MUCL1: variants seen among roughly 807,000 people sequenced by gnomAD.
The protein encoded by MUCL1 is mucin-like protein 1.
Under a neutral mutation model 9.2 loss-of-function variants are expected in MUCL1, and 11 were observed. That is an observed-to-expected ratio of 1.19 (90% CI 0.75 to 1.97). The LOEUF (loss-of-function observed/expected upper bound fraction) is 1.97, where lower values mean the gene tolerates loss of function less well. MUCL1 is among the 30% of genes most tolerant of loss of function. The pLI, the probability that MUCL1 is intolerant of heterozygous loss-of-function variation, is 0.00. For synonymous variants in MUCL1, 48 were observed against 40.5 expected, an observed-to-expected ratio of 1.19 and a Z score of -0.71; for missense variants, 144 against 110.9, an observed-to-expected ratio of 1.30 and a Z score of -1.34.
At chr12:54,845,495 C>T (rs551768161) in intron 1 of MUCL1, among the ~76,000 whole-genome samples, 1 of 152,266 alleles carries the variant, frequency 6.6e-6, no homozygotes, top group Admixed American at 6.5e-5. Flanking sequence ...TAAGTCTGTT[C>T]TGCAACAAAA....
chr12:54,840,437 G>A (rs552091803), intron 1 of MUCL1, among the ~76,000 whole-genome samples: 1 of 152,332 alleles, frequency 6.6e-6, no homozygotes, highest in South Asian at 2.1e-4. Flanking sequence ...TGCTGTAATG[G>A]ACTGTGTCAG....
chr12:54,855,091 T>G, intron 1 of MUCL1, 25 bp from the exon 2 acceptor site: 1 of 1,610,824 alleles, frequency 6.2e-7, no homozygotes, highest in Non-Finnish European at 8.5e-7. Flanking sequence ...AGCTAACATC[T>G]TAATTTTTCC....
Position 54,856,874 on chromosome 12 carries a change from G to A in MUCL1, c.205G>A (p.Ala69Thr). ...TGCAACCACCGCTGCTTCTACCACT[G>A]CTCGTAAAGACATTCCAGGTAGCAA... ...TTATTAASTT[A>T]RKDIPVLPKW... The change falls in exon 3 of 4, where the codon GCT (alanine) becomes ACT (threonine). Residue 69 changes from alanine to threonine, a missense_variant. By Grantham distance (58) the Ala-to-Thr change is moderately conservative (BLOSUM62 0). Transcript: ENST00000308796. 1.2e-6 allele frequency: 2 copies of A among 1,613,748 alleles called. No individual in the cohort carries two copies. The highest frequency in any genetic ancestry group is 1.7e-6 in the Non-Finnish European group (2 of 1,179,844).
chr12:54,848,096 T>TC (rs1959282977), intron 1 of MUCL1, among the ~76,000 whole-genome samples: 1 of 47,390 alleles, frequency 2.1e-5, no homozygotes, highest in Non-Finnish European at 5.1e-5. Flanking sequence ...TTAATTCTTG[T>TC]TTGTTGAAAC....
intron 1 of MUCL1, among the ~76,000 whole-genome samples, chr12:54,841,250 G>A (rs1192759053): frequency 4.6e-5 from 7 of 152,060 alleles, no homozygotes; most frequent in Admixed American, 1.3e-4. Flanking sequence ...TTTATTAACC[G>A]ACACTTAGAT....
chr12:54,841,932 C>T (rs865815488), intron 1 of MUCL1, among the ~76,000 whole-genome samples: 16 of 152,094 alleles, frequency 1.1e-4, no homozygotes, highest in Admixed American at 3.9e-4. Context: ...TGGAGTTTTA[C>T]AGTTACAGGC....
At chr12:54,850,649 A>C (rs1479038573), upstream of MUCL1, among the ~76,000 whole-genome samples, 1 of 152,142 alleles carries the variant, frequency 6.6e-6, no homozygotes, top group African/African-American at 2.4e-5. Context: ...TAGCAGCATG[A>C]TTTATAATCC....
In MUCL1 at chr12:54,856,648, A is replaced by G; in HGVS notation, c.101-122A>G. The G allele has an allele frequency of 2.3e-6, 3 of 1,333,216 alleles. No individual in the cohort carries two copies. The South Asian group carries it at 4.2e-5, about 19-fold the overall frequency. 82.6% of individuals were successfully genotyped at this position (1,333,216 alleles called of 1,614,324 possible). A position where few individuals can be genotyped will look rare whatever the true frequency, so the allele number is the denominator to read the frequency against. On this transcript the variant is annotated intron_variant, in intron 2 of 3. Transcript: ENST00000308796. ...TAGGCAGGTAGGCTAAAGGTAAGAC[A>G]GAACTGATGACAGATTTGCAGAGAT...
upstream of MUCL1, among the ~76,000 whole-genome samples, chr12:54,836,326 G>T (rs1276514715): frequency 1.3e-5 from 2 of 152,192 alleles, no homozygotes; most frequent in East Asian, 3.9e-4. Flanking sequence ...AATTAGGAGG[G>T]TTGTATGTTT....
At chr12:54,847,208 C>G (rs567123320) in intron 1 of MUCL1, among the ~76,000 whole-genome samples, 1 of 152,148 alleles carries the variant, frequency 6.6e-6, no homozygotes, top group Non-Finnish European at 1.5e-5. Context: ...AAGAAGTAAC[C>G]GAGTGCCGGG....
At chr12:54,854,927 C>A (rs1164804477) in intron 1 of MUCL1, among the ~76,000 whole-genome samples, 189 bp from the exon 2 acceptor site, 1 of 152,088 alleles carries the variant, frequency 6.6e-6, no homozygotes, top group African/African-American at 2.4e-5. Context: ...GGAAAAATGA[C>A]CACATATTAG....
At chr12:54,849,516 T>C (rs769226527), upstream of MUCL1, among the ~76,000 whole-genome samples, 3 of 152,126 alleles carry the variant, frequency 2.0e-5, no homozygotes, top group African/African-American at 4.8e-5. Context: ...TTTGGAGCTA[T>C]GTCATCCATT....
intron 1 of MUCL1, among the ~76,000 whole-genome samples, chr12:54,848,970 T>A (rs1350575341): frequency 6.6e-6 from 1 of 152,138 alleles, no homozygotes; most frequent in African/African-American, 2.4e-5. Context: ...GGCTTCATGA[T>A]TTGATAATAG....
At chr12:54,858,076 G>A (rs1207621206) in intron 3 of MUCL1, 117 bp from the exon 4 acceptor site, 4 of 1,237,532 alleles carry the variant, frequency 3.2e-6, no homozygotes, top group Middle Eastern at 1.9e-4. Context: ...TGTTCCTTTC[G>A]AATCCCCTGA....
At chr12:54,845,446 T>C (rs952284352) in intron 1 of MUCL1, among the ~76,000 whole-genome samples, 5 of 152,048 alleles carry the variant, frequency 3.3e-5, no homozygotes, top group African/African-American at 1.2e-4. Context: ...TGTGATCTGA[T>C]TGGTTAATGC....
chr12:54,839,513 T>A lies in MUCL1; in HGVS notation c.43+66T>A. On this transcript the variant is annotated intron_variant, in intron 1 of 3. Transcript: ENST00000546809. Reference sequence around the variant, plus strand: ...CCTTGACAGAGGCAGCTGGGGGAGGTCTCAGTGAAATGCACTGAGGTCTTT... The same window carrying A: ...CCTTGACAGAGGCAGCTGGGGGAGGACTCAGTGAAATGCACTGAGGTCTTT... 5.7e-6 allele frequency: 4 copies of A among 700,126 alleles called. No individual in the cohort carries two copies. In the South Asian group the frequency reaches 5.9e-5, roughly 10 times the overall value. The allele number at this position is 700,126 out of a possible 1,614,324, so 43.4% of individuals were successfully genotyped here. A position where few individuals can be genotyped will look rare whatever the true frequency, so the allele number is the denominator to read the frequency against.
At chr12:54,848,179 G>A (rs1466084252) in intron 1 of MUCL1, among the ~76,000 whole-genome samples, 1 of 152,014 alleles carries the variant, frequency 6.6e-6, no homozygotes, top group Non-Finnish European at 1.5e-5. Flanking sequence ...GGTATATGGT[G>A]AGGAGTGAGG....
At chr12:54,855,207 C>T (rs761280544) in intron 2 of MUCL1, 50 bp downstream of exon 2, 1 of 1,550,270 alleles carries the variant, frequency 6.5e-7, no homozygotes, top group Admixed American at 1.7e-5. Context: ...CCATTTTTCA[C>T]TTCCAGCCTC....
chr12:54,852,573 C>G (rs947774749), upstream of MUCL1, among the ~76,000 whole-genome samples: 5 of 152,180 alleles, frequency 3.3e-5, no homozygotes, highest in Non-Finnish European at 7.3e-5. Context: ...CCTGTTTAAT[C>G]CACTGTGCAG....
Sources: gnomAD v4.1 joint callset for allele counts (sites outside exome capture counted in the v4.1 genomes callset) on GRCh38, gnomAD v4.1.1 for gene constraint, MANE v1.5 for transcripts, NCBI Gene and HGNC (gene_info 2026-07-23, HGNC 2026-07-21) for gene names.